TUSC3: variants seen among roughly 807,000 people sequenced by gnomAD.
TUSC3 encodes the protein dolichyl-diphosphooligosaccharide--protein glycosyltransferase subunit TUSC3.
A neutral mutation model predicts 44.8 loss-of-function variants in TUSC3; 45 were observed. The ratio of observed to expected loss-of-function variants is 1.00; its 90% CI spans 0.79 to 1.29. TUSC3 has a LOEUF of 1.29. TUSC3 is among the 50% of genes most tolerant of loss of function. TUSC3 has a pLI of 0.00. For missense variants in TUSC3, 519 were observed against 437.9 expected, an observed-to-expected ratio of 1.19 and a Z score of -1.65; for synonymous variants, 212 against 152.9, an observed-to-expected ratio of 1.39 and a Z score of -2.85.
the TUSC3 span, among the ~76,000 whole-genome samples, chr8:15,834,755 A>G: frequency 6.6e-6 from 1 of 152,096 alleles, no homozygotes; most frequent in Non-Finnish European, 1.5e-5. Context: ...ACCTACTTTA[A>G]TGATTAAGGT....
intron 2 of TUSC3, among the ~76,000 whole-genome samples, chr8:15,514,198 G>C (rs1801180110): frequency 6.6e-6 from 1 of 152,152 alleles, no homozygotes. Flanking sequence ...TAATTACGTA[G>C]ATACCCAGAT....
chr8:15,501,811 G>T (rs1035324475), intron 2 of TUSC3, among the ~76,000 whole-genome samples: 2 of 152,152 alleles, frequency 1.3e-5, no homozygotes, highest in Admixed American at 1.3e-4. Flanking sequence ...TGCTCTTTCA[G>T]AAAGTTTTTA....
At chr8:15,842,280 C>T in the TUSC3 span, among the ~76,000 whole-genome samples, 1 of 152,104 alleles carries the variant, frequency 6.6e-6, no homozygotes, top group Non-Finnish European at 1.5e-5. Context: ...CAGTGTGAAC[C>T]TGGGTTGACT....
chr8:15,578,783 T>G (rs1331792635), intron 1 of TUSC3, among the ~76,000 whole-genome samples: 3 of 152,096 alleles, frequency 2.0e-5, no homozygotes, highest in Non-Finnish European at 2.9e-5. Flanking sequence ...TCTCTTTTTT[T>G]GTTGTGTCTC....
chr8:15,586,829 A>G (rs1803623230), intron 1 of TUSC3, among the ~76,000 whole-genome samples: 2 of 152,134 alleles, frequency 1.3e-5, no homozygotes, highest in Admixed American at 1.3e-4. Context: ...AGTAGTTTTC[A>G]TTGTAGTTCT....
the TUSC3 span, among the ~76,000 whole-genome samples, chr8:15,815,711 T>C: frequency 6.6e-6 from 1 of 152,140 alleles, no homozygotes; most frequent in Non-Finnish European, 1.5e-5. Context: ...TTCTGTCTCT[T>C]CTTTTCTTGT....
intron 2 of TUSC3, among the ~76,000 whole-genome samples, chr8:15,491,084 G>A (rs1318519544): frequency 1.3e-5 from 2 of 152,210 alleles, no homozygotes; most frequent in South Asian, 4.1e-4. Flanking sequence ...TAGAGGAATA[G>A]TCACAGATGC....
the TUSC3 span, among the ~76,000 whole-genome samples, chr8:15,798,747 A>G: frequency 5.9e-5 from 9 of 152,146 alleles, no homozygotes; most frequent in South Asian, 4.1e-4. Context: ...CCTCGGGCCA[A>G]CTAAGGCTTG....
chr8:15,697,803 T>G (rs1809235064), intron 6 of TUSC3, among the ~76,000 whole-genome samples: 1 of 152,238 alleles, frequency 6.6e-6, no homozygotes, highest in African/African-American at 2.4e-5. Flanking sequence ...GTTTTAGATT[T>G]GTTTTGATTT....
At chr8:15,530,661 G>A (rs991619916) in intron 2 of TUSC3, among the ~76,000 whole-genome samples, 1 of 152,058 alleles carries the variant, frequency 6.6e-6, no homozygotes, top group Middle Eastern at 3.2e-3. Context: ...TATTCAAAGT[G>A]TTTATCATTC....
chr8:15,431,523 G>A (rs536640553), intron 1 of TUSC3, among the ~76,000 whole-genome samples: 1 of 151,730 alleles, frequency 6.6e-6, no homozygotes, highest in South Asian at 2.1e-4. Context: ...TATATTGGTT[G>A]TGTATCCTGC....
At chr8:15,578,950 C>G (rs1219237081) in intron 1 of TUSC3, among the ~76,000 whole-genome samples, 1 of 152,110 alleles carries the variant, frequency 6.6e-6, no homozygotes, top group Non-Finnish European at 1.5e-5. Flanking sequence ...TGGTCCTGGA[C>G]TCTTTTTGGC....
At chr8:15,483,160 G>A (rs1008594097) in intron 1 of TUSC3, among the ~76,000 whole-genome samples, 1 of 152,120 alleles carries the variant, frequency 6.6e-6, no homozygotes, top group African/African-American at 2.4e-5. Context: ...GCTCTTTTAA[G>A]TTAAATTCTA....
At chr8:15,815,245 A>G in the TUSC3 span, among the ~76,000 whole-genome samples, 2 of 152,014 alleles carry the variant, frequency 1.3e-5, no homozygotes, top group African/African-American at 4.8e-5. Flanking sequence ...GACTATTAAT[A>G]GAGAGATCGA....
At chr8:15,481,247 CAAAAAAAAAAAAA>C (rs57956608) in intron 1 of TUSC3, among the ~76,000 whole-genome samples, 2 of 83,062 alleles carry the variant, frequency 2.4e-5, no homozygotes, top group African/African-American at 8.8e-5. Context: ...AACTCCATCT[CAAAAAAAAAAAAA>C]AAAAAAAAGT....
chr8:15,659,602 A>G lies in TUSC3; in HGVS notation c.522A>G (p.Ala174=), dbSNP rs1446984747. 1 of 1,613,504 alleles carries G rather than the reference A, an allele frequency of 6.2e-7. No individual in the cohort carries two copies. The highest frequency in any genetic ancestry group is 1.7e-5 in the Admixed American group (1 of 60,002). Residue 174 remains alanine (A), a synonymous_variant, in exon 4 of 11, where the codon GCA becomes GCG. Coordinates refer to ENST00000503731, the MANE Select transcript of TUSC3 (RefSeq NM_006765.4). ...DTFDLQRIGF[A]AEQLAKWIAD... The stretch of plus-strand genomic sequence containing the variant: ...TTGACCTCCAAAGAATTGGATTTGC[A>G]GCTGAGCAACTAGCAAAGTGGATTG...
downstream of TUSC3, among the ~76,000 whole-genome samples, chr8:15,769,265 A>G (rs941272998): frequency 6.6e-6 from 1 of 152,346 alleles, no homozygotes; most frequent in Admixed American, 6.5e-5. Context: ...CAGAGGCCTC[A>G]GAAATAATAC....
chr8:15,837,336 T>TTA, the TUSC3 span, among the ~76,000 whole-genome samples: 1 of 152,190 alleles, frequency 6.6e-6, no homozygotes, highest in East Asian at 1.9e-4. Context: ...CTCAAGAGCT[T>TTA]TATTGTACTA....
chr8:15,529,938 C>T (rs1801428904), intron 2 of TUSC3, among the ~76,000 whole-genome samples: 1 of 7,966 alleles, frequency 1.3e-4, no homozygotes, highest in Non-Finnish European at 5.9e-4. Flanking sequence ...GCTGGGACTA[C>T]AGGCGCCCGG....
Sources: gnomAD v4.1 joint callset for allele counts (sites outside exome capture counted in the v4.1 genomes callset) on GRCh38, gnomAD v4.1.1 for gene constraint, MANE v1.5 for transcripts, NCBI Gene and HGNC (gene_info 2026-07-23, HGNC 2026-07-21) for gene names.